The following PCM1 variants were observed in gnomAD, a reference collection of about 807,000 sequenced individuals.
The protein encoded by PCM1 is pericentriolar material 1 protein.
PCM1 carries 157 observed loss-of-function variants against 241.9 expected under a neutral mutation model. That is an observed-to-expected ratio of 0.65 (90% CI 0.57 to 0.74). The LOEUF is 0.74. PCM1 is among the 30% of genes least tolerant of loss of function. The pLI is 0.00. For synonymous variants in PCM1, 1,085 were observed against 784.9 expected (o/e 1.38, Z -6.39); for missense variants, 3,478 against 2,360.1 (o/e 1.47, Z -9.81).
chr8:17,995,330 G>C (rs1419640957), intron 29 of PCM1, among the ~76,000 whole-genome samples: 1 of 151,230 alleles, frequency 6.6e-6, no homozygotes, highest in Non-Finnish European at 1.5e-5. Flanking sequence ...TTGAAAATGA[G>C]TTTATTGTAG....
intron 23 of PCM1, among the ~76,000 whole-genome samples, chr8:17,978,525 A>G (rs1386388573): frequency 1.3e-5 from 2 of 151,990 alleles, no homozygotes; most frequent in Non-Finnish European, 2.9e-5. Context: ...ACACCAGGCA[A>G]TCTTCCTTAC....
Position 17,985,622 on chromosome 8 carries a change from A to G in PCM1, c.4281+3A>G, listed in dbSNP as rs1310170751. The G allele has an allele frequency of 8.1e-6, 13 of 1,597,838 alleles. No homozygotes were observed. Among genetic ancestry groups the G allele is most frequent in the Admixed American group, 1.7e-5 (1 of 58,426 alleles). On this transcript the variant is annotated splice_donor_region_variant and intron_variant, in intron 25 of 38. Coordinates refer to ENST00000325083, the MANE Select transcript of PCM1 (RefSeq NM_006197.4). ...AGAGGGCTTTATATGCATTGCAGGT[A>G]TCTGGTACCTAACATAATTTTTCCT...
intron 23 of PCM1, among the ~76,000 whole-genome samples, chr8:17,979,001 G>A (rs1219939527): frequency 2.0e-5 from 3 of 152,080 alleles, no homozygotes; most frequent in African/African-American, 7.2e-5. Flanking sequence ...AGTTATGCCT[G>A]TAATCCCAGC....
At chr8:18,010,496 C>G (rs764234511) in intron 31 of PCM1, 113 bp from the exon 32 acceptor site, 16 of 688,916 alleles carry the variant, frequency 2.3e-5, no homozygotes, top group Non-Finnish European at 3.4e-5. Flanking sequence ...GAAAGTAATA[C>G]AGGCCAGGCT....
intron 36 of PCM1, among the ~76,000 whole-genome samples, chr8:18,022,366 G>A (rs2093824457): frequency 6.6e-6 from 1 of 152,094 alleles, no homozygotes; most frequent in Non-Finnish European, 1.5e-5. Context: ...TACTCAAACA[G>A]AATATCCTCT....
At chr8:17,939,889 A>G (rs1563721056) in intron 6 of PCM1, 28 bp downstream of exon 6, 1 of 1,328,528 alleles carries the variant, frequency 7.5e-7, no homozygotes, top group Non-Finnish European at 1.0e-6. Flanking sequence ...AAAATAACAT[A>G]TTATTTTTGT....
At chr8:17,934,772 C>T (rs1305662872) in intron 2 of PCM1, 1 of 152,172 alleles carries the variant, frequency 6.6e-6, no homozygotes, top group Non-Finnish European at 1.5e-5. Flanking sequence ...CAAGATTATG[C>T]AGAAATCTTA....
At chr8:17,968,912 T>C (rs2075959694) in intron 21 of PCM1, among the ~76,000 whole-genome samples, 1 of 151,884 alleles carries the variant, frequency 6.6e-6, no homozygotes, top group Admixed American at 6.6e-5. Context: ...TAATAAGAAA[T>C]TGCAAATGCT....
chr8:17,958,165 T>C (rs1267481628), intron 13 of PCM1, among the ~76,000 whole-genome samples: 1 of 152,190 alleles, frequency 6.6e-6, no homozygotes, highest in African/African-American at 2.4e-5. Context: ...TCTGGCCTTA[T>C]ATTATGTACA....
chr8:17,928,731 A>T (rs2057998678), intron 2 of PCM1, among the ~76,000 whole-genome samples: 1 of 149,780 alleles, frequency 6.7e-6, no homozygotes, highest in African/African-American at 2.5e-5. Context: ...TCCCGGGTTC[A>T]AACGATTCTC....
chr8:17,977,347 A>G (rs1363269939), intron 23 of PCM1, among the ~76,000 whole-genome samples: 1 of 152,148 alleles, frequency 6.6e-6, no homozygotes, highest in East Asian at 1.9e-4. Context: ...CCTGGAACCT[A>G]AAGTTGAGAT....
chr8:17,947,276 C>A lies in PCM1; in HGVS notation c.874C>A (p.Gln292Lys). The A allele has an allele frequency of 6.2e-7, 1 of 1,611,096 alleles. No individual in the cohort carries two copies. The change falls in exon 7 of 39, where the codon CAA (glutamine) becomes AAA (lysine). Residue 292 changes from glutamine to lysine, a missense_variant. Gln to Lys is a moderately conservative substitution (Grantham distance 53, BLOSUM62 1). Coordinates refer to ENST00000325083, the MANE Select transcript of PCM1 (RefSeq NM_006197.4). ...AAAAAGAATGTTACAACAGCAGGAG[C>A]AACTAAGAGCTCTACAGGGACGGCA... ...LLKRMLQQQE[Q>K]LRALQGRQAA... is the part of the protein sequence containing the mutation.
At chr8:18,011,580 C>G (rs1198700572) in intron 33 of PCM1, 87 bp from the exon 34 acceptor site, 1 of 1,249,772 alleles carries the variant, frequency 8.0e-7, no homozygotes, top group Non-Finnish European at 1.1e-6. Flanking sequence ...TATAAAGCAT[C>G]TGTGCCATGC....
rs2078343814 is a variant in PCM1, at chr8:17,975,291, G to A, written c.3943+2604G>A. ...CAATTCTCCTGTCTCATCCTCCCGA[G>A]TAGCTGGGATTACAGGCATGTGCCA... On this transcript the variant is annotated intron_variant, in intron 23 of 38. Transcript: ENST00000325083. Among the ~76,000 whole-genome samples, 3 of 152,240 alleles carry A rather than the reference G, an allele frequency of 2.0e-5. No homozygotes were observed. The South Asian group carries it at 6.2e-4, about 31-fold the overall frequency.
intron 23 of PCM1, among the ~76,000 whole-genome samples, chr8:17,973,388 G>A (rs1208589831): frequency 9.9e-5 from 15 of 152,086 alleles, no homozygotes; most frequent in Admixed American, 9.8e-4. Context: ...GATGGGCTAT[G>A]GCCTTGAAAG....
At position 18,025,471 on chromosome 8, in the gene PCM1, A is replaced by T. The variant is rs971523816; in HGVS notation, c.5934+18A>T. ...ATTCAGAGGTATTTAGCTGTCTTTA[A>T]TTAAACTTGTCTTTACATAACAAAT... On this transcript the variant is annotated intron_variant, in intron 37 of 38. Transcript: ENST00000325083. 9 of 1,539,102 alleles carry T rather than the reference A, an allele frequency of 5.8e-6. No individual in the cohort carries two copies. The highest frequency in any genetic ancestry group is 8.0e-6 in the Non-Finnish European group (9 of 1,119,052).
At chr8:18,013,722 A>G in intron 34 of PCM1, 1 of 405,540 alleles carries the variant, frequency 2.5e-6, no homozygotes, top group Non-Finnish European at 4.3e-6. Context: ...TGAACAGTGC[A>G]GTCTGTTCGT....
At chr8:17,979,895 A>G (rs1216878262) in intron 23 of PCM1, among the ~76,000 whole-genome samples, 1 of 152,194 alleles carries the variant, frequency 6.6e-6, no homozygotes, top group African/African-American at 2.4e-5. Context: ...ATCATCCTGT[A>G]TAACTTGTGT....
Position 17,972,274 on chromosome 8 carries a change from G to C in PCM1, c.3585-55G>C, listed in dbSNP as rs1266936243. 4.1e-6 allele frequency: 4 copies of C among 970,108 alleles called. No homozygotes were observed. The African/African-American group carries it at 4.9e-5, about 12-fold the overall frequency. 60.1% of individuals were successfully genotyped at this position (970,108 alleles called of 1,614,324 possible). ...AGTAGACTATAAATTCAGTGTATTT[G>C]GAGTTTTTGTAAACTATAGTTGTTA... is the stretch of plus-strand genomic sequence containing the variant. On this transcript the variant is annotated intron_variant, in intron 22 of 38. Transcript: ENST00000325083.
Sources: gnomAD v4.1 joint callset for allele counts (sites outside exome capture counted in the v4.1 genomes callset) on GRCh38, gnomAD v4.1.1 for gene constraint, MANE v1.5 for transcripts, NCBI Gene and HGNC (gene_info 2026-07-23, HGNC 2026-07-21) for gene names.